CTNNA2: variants seen among roughly 807,000 people sequenced by gnomAD.
The protein encoded by CTNNA2 is catenin alpha-2.
Under a neutral mutation model 101.0 loss-of-function variants are expected in CTNNA2, and 42 were observed. The ratio of observed to expected loss-of-function variants is 0.42; its 90% CI spans 0.32 to 0.54. CTNNA2 has a LOEUF of 0.54. Ranked by LOEUF, CTNNA2 falls within the 20% of genes least tolerant of loss-of-function variation. CTNNA2 has a pLI of 0.14. For synonymous variants in CTNNA2, 450 were observed against 456.4 expected (o/e 0.99, Z 0.18); for missense variants, 871 against 1,223.1 (o/e 0.71, Z 4.29).
intron 3 of CTNNA2, among the ~76,000 whole-genome samples, chr2:79,799,156 A>G (rs1247805061): frequency 6.6e-6 from 1 of 150,716 alleles, no homozygotes; most frequent in African/African-American, 2.5e-5. Flanking sequence ...GCTCACAGTT[A>G]TAATTCGATG....
chr2:80,483,656 T>G (rs1019671848), intron 9 of CTNNA2, among the ~76,000 whole-genome samples: 2 of 152,142 alleles, frequency 1.3e-5, no homozygotes, highest in Non-Finnish European at 2.9e-5. Flanking sequence ...ATATATGAAC[T>G]AAGGAGAATG....
At chr2:80,481,849 T>C (rs1027906398) in intron 9 of CTNNA2, among the ~76,000 whole-genome samples, 3 of 152,022 alleles carry the variant, frequency 2.0e-5, no homozygotes, top group African/African-American at 7.2e-5. Flanking sequence ...AAAAAAATGA[T>C]ACTATAAAGG....
chr2:79,589,717 TC>T (rs963146388), intron 1 of CTNNA2, among the ~76,000 whole-genome samples: 58 of 56,530 alleles, frequency 1.0e-3, no homozygotes, highest in African/African-American at 2.4e-3. Context: ...TCTTTTTTTT[TC>T]CCCCCCCCGA....
At chr2:79,497,931 G>A (rs908063532) in intron 4 of CTNNA2, 1 of 152,156 alleles carries the variant, frequency 6.6e-6, no homozygotes, top group African/African-American at 2.4e-5. Flanking sequence ...AAAAGTACAG[G>A]GTAGGGCACA....
At chr2:80,153,089 G>A (rs1482436943) in intron 7 of CTNNA2, among the ~76,000 whole-genome samples, 2 of 152,122 alleles carry the variant, frequency 1.3e-5, no homozygotes, top group Non-Finnish European at 2.9e-5. Context: ...AGCACCATCC[G>A]GTGCCAAATT....
intron 6 of CTNNA2, among the ~76,000 whole-genome samples, chr2:79,880,804 G>A (rs1017508398): frequency 6.6e-6 from 1 of 151,634 alleles, no homozygotes; most frequent in Non-Finnish European, 1.5e-5. Flanking sequence ...AGGGTTTTTT[G>A]TGTCTCTGTC....
chr2:79,496,226 A>G (rs938194036), intron 4 of CTNNA2, among the ~76,000 whole-genome samples: 1 of 152,276 alleles, frequency 6.6e-6, no homozygotes. Context: ...GTTTCTGTTT[A>G]TAAGCTTTAG....
chr2:79,287,879 G>T (rs148482947), intron 2 of CTNNA2, among the ~76,000 whole-genome samples: 3,133 of 152,320 alleles, frequency 0.021, 115 homozygotes, highest in African/African-American at 0.071. Flanking sequence ...ATCTCAGACT[G>T]CTGTGCTAGC....
chr2:79,873,651 C>T (rs1490792245), intron 5 of CTNNA2, among the ~76,000 whole-genome samples: 1 of 152,020 alleles, frequency 6.6e-6, no homozygotes, highest in Admixed American at 6.5e-5. Context: ...GTCATTCCAG[C>T]ACTTTGGGAA....
chr2:80,064,588 G>A (rs570492556), intron 7 of CTNNA2, among the ~76,000 whole-genome samples: 1 of 152,338 alleles, frequency 6.6e-6, no homozygotes, highest in East Asian at 1.9e-4. Context: ...GATGGTTAAA[G>A]TTGGCCTAGT....
chr2:79,916,597 AG>A lies in CTNNA2; in HGVS notation c.1056+6802del, dbSNP rs1368951530. ...TTCTCCTTTTTTTTTTTTTTGACGG[AG>A]GAGTCTCGCTGTATCACCCATGCTG... On this transcript the variant is annotated intron_variant, in intron 7 of 18. Transcript: ENST00000402739. Among the ~76,000 whole-genome samples, 2 of 18,324 alleles carry A rather than the reference AG, an allele frequency of 1.1e-4. 1 individual carries two copies. Among genetic ancestry groups the A allele is most frequent in the African/African-American group, 5.9e-4 (2 of 3,406 alleles). 12.0% of individuals were successfully genotyped at this position (18,324 alleles called of 152,430 possible).
At chr2:80,426,643 CT>C (rs1479353149) in intron 9 of CTNNA2, among the ~76,000 whole-genome samples, 1 of 152,094 alleles carries the variant, frequency 6.6e-6, no homozygotes, top group Non-Finnish European at 1.5e-5. Context: ...ACTTCCTCTT[CT>C]TATCAGGTTA....
chr2:79,581,436 A>T (rs932332821), intron 1 of CTNNA2, among the ~76,000 whole-genome samples: 4 of 151,968 alleles, frequency 2.6e-5, no homozygotes, highest in Admixed American at 6.6e-5. Context: ...GAGGCAGGAG[A>T]ATTGCTTGAA....
At chr2:80,112,964 C>T (rs923713897) in intron 7 of CTNNA2, among the ~76,000 whole-genome samples, 10 of 152,104 alleles carry the variant, frequency 6.6e-5, no homozygotes, top group Non-Finnish European at 1.0e-4. Context: ...CAGTATCTTA[C>T]CTGTGAGTTG....
At chr2:80,212,145 C>T (rs957181285) in intron 7 of CTNNA2, among the ~76,000 whole-genome samples, 1 of 152,178 alleles carries the variant, frequency 6.6e-6, no homozygotes, top group Non-Finnish European at 1.5e-5. Flanking sequence ...TCTAGATATA[C>T]AATCATGTCA....
At chr2:79,663,234 A>T (rs1421165898) in intron 2 of CTNNA2, among the ~76,000 whole-genome samples, 2 of 152,162 alleles carry the variant, frequency 1.3e-5, no homozygotes, top group Non-Finnish European at 2.9e-5. Context: ...TCACCAAATT[A>T]TCCACCAATC....
At chr2:80,289,563 A>G (rs1408443693) in intron 7 of CTNNA2, among the ~76,000 whole-genome samples, 1 of 152,170 alleles carries the variant, frequency 6.6e-6, no homozygotes, top group East Asian at 1.9e-4. Flanking sequence ...ATGTCACTCT[A>G]CTGTGGTGAT....
chr2:80,065,854 G>A (rs750256963), intron 7 of CTNNA2, among the ~76,000 whole-genome samples: 25 of 152,146 alleles, frequency 1.6e-4, no homozygotes, highest in Non-Finnish European at 3.2e-4. Flanking sequence ...CCTTAGGAGT[G>A]GATAGCTACC....
At chr2:79,446,546 A>C (rs1484054827) in intron 4 of CTNNA2, among the ~76,000 whole-genome samples, 1 of 152,076 alleles carries the variant, frequency 6.6e-6, no homozygotes, top group Non-Finnish European at 1.5e-5. Flanking sequence ...TCAGCCTCAC[A>C]TAAAGCTTAA....
Sources: gnomAD v4.1 joint callset for allele counts (sites outside exome capture counted in the v4.1 genomes callset) on GRCh38, gnomAD v4.1.1 for gene constraint, MANE v1.5 for transcripts, NCBI Gene and HGNC (gene_info 2026-07-23, HGNC 2026-07-21) for gene names.